The following SH3BGRL2 variants were observed in gnomAD, a reference collection of about 807,000 sequenced individuals.
SH3BGRL2 encodes the protein SH3 domain-binding glutamic acid-rich-like protein 2.
SH3BGRL2 carries 21 observed loss-of-function variants against 14.8 expected under a neutral mutation model. The observed-to-expected ratio is 1.42, with a 90% CI of 1.01 to 2.05. The LOEUF (loss-of-function observed/expected upper bound fraction) is 2.05. Ranked by LOEUF, SH3BGRL2 falls within the 30% of genes most tolerant of loss-of-function variation. The pLI, the probability that SH3BGRL2 is intolerant of heterozygous loss-of-function variation, is 0.00. For missense variants in SH3BGRL2, 147 were observed against 130.8 expected, an observed-to-expected ratio of 1.12 and a Z score of -0.61; for synonymous variants, 50 against 47.8, an observed-to-expected ratio of 1.05 and a Z score of -0.19.
chr6:79,572,633 T>G, the SH3BGRL2 span, among the ~76,000 whole-genome samples: 1 of 151,940 alleles, frequency 6.6e-6, no homozygotes, highest in Admixed American at 6.6e-5. Flanking sequence ...GCCCGGCTAA[T>G]TTTTTGTATT....
chr6:79,616,052 G>A, the SH3BGRL2 span, among the ~76,000 whole-genome samples: 32,075 of 151,820 alleles, frequency 0.21, 3,590 homozygotes, highest in African/African-American at 0.24. Flanking sequence ...CCGACCTCAG[G>A]TGATCCACCC....
At chr6:79,651,539 A>G (rs901068681) in intron 1 of SH3BGRL2, among the ~76,000 whole-genome samples, 1 of 152,162 alleles carries the variant, frequency 6.6e-6, no homozygotes, top group African/African-American at 2.4e-5. Flanking sequence ...ATGCAGACTA[A>G]AAGTAGTTTG....
At chr6:79,573,306 G>A in the SH3BGRL2 span, among the ~76,000 whole-genome samples, 1 of 152,066 alleles carries the variant, frequency 6.6e-6, no homozygotes, top group African/African-American at 2.4e-5. Flanking sequence ...GTTTCCATAC[G>A]GGCCTGGATC....
the SH3BGRL2 span, among the ~76,000 whole-genome samples, chr6:79,559,733 C>T: frequency 6.6e-6 from 1 of 152,112 alleles, no homozygotes; most frequent in Non-Finnish European, 1.5e-5. Context: ...AGAGAACACC[C>T]TTATTCTTAG....
intron 2 of SH3BGRL2, among the ~76,000 whole-genome samples, chr6:79,684,380 A>G (rs1188223790): frequency 6.6e-6 from 1 of 151,698 alleles, no homozygotes; most frequent in Admixed American, 6.6e-5. Context: ...TATTTATCTC[A>G]TAGGTTTTTT....
the SH3BGRL2 span, among the ~76,000 whole-genome samples, chr6:79,556,957 AT>A: frequency 1.3e-5 from 2 of 151,988 alleles, no homozygotes; most frequent in African/African-American, 4.8e-5. Flanking sequence ...TGATTTGTCT[AT>A]TCTGAACATA....
At chr6:79,626,478 G>T (rs1306951787), upstream of SH3BGRL2, among the ~76,000 whole-genome samples, 1 of 152,122 alleles carries the variant, frequency 6.6e-6, no homozygotes, top group African/African-American at 2.4e-5. Context: ...CAGTCTTCAA[G>T]ACACTGCAAT....
At chr6:79,568,893 A>T in the SH3BGRL2 span, among the ~76,000 whole-genome samples, 2 of 152,074 alleles carry the variant, frequency 1.3e-5, no homozygotes, top group Non-Finnish European at 1.5e-5. Context: ...TTAAAAATGA[A>T]TTTTTTTGTT....
intron 2 of SH3BGRL2, among the ~76,000 whole-genome samples, chr6:79,680,648 T>C (rs981093513): frequency 1.2e-4 from 19 of 152,182 alleles, no homozygotes; most frequent in African/African-American, 4.3e-4. Context: ...TCATGTTGAA[T>C]CTGTAGATTG....
In SH3BGRL2 at chr6:79,643,686, A is replaced by C. The variant is rs528507416; in HGVS notation, c.45+12180A>C. Among the ~76,000 whole-genome samples, 7 of 152,310 alleles carry C rather than the reference A, an allele frequency of 4.6e-5. No homozygotes were observed. The South Asian group carries it at 1.5e-3, about 32-fold the overall frequency. On this transcript the variant is annotated intron_variant, in intron 1 of 3. Transcript: ENST00000369838. ...CTATTCATAATTACCCTGCCCCCTC[A>C]CAGAAGAGTAAGAAACCCAAACTTT...
At chr6:79,660,299 T>G (rs1178911483) in intron 1 of SH3BGRL2, among the ~76,000 whole-genome samples, 1 of 152,200 alleles carries the variant, frequency 6.6e-6, no homozygotes, top group Non-Finnish European at 1.5e-5. Context: ...CTCTTATTAC[T>G]TTGAGATACA....
chr6:79,675,476 A>G (rs1162652364), intron 2 of SH3BGRL2, among the ~76,000 whole-genome samples: 3 of 152,216 alleles, frequency 2.0e-5, no homozygotes, highest in South Asian at 2.1e-4. Flanking sequence ...AGTGCTCAGT[A>G]TGCCTTTTAA....
intron 1 of SH3BGRL2, among the ~76,000 whole-genome samples, chr6:79,649,981 T>A (rs936453303): frequency 2.9e-4 from 27 of 91,888 alleles, no homozygotes; most frequent in African/African-American, 3.7e-4. Flanking sequence ...TCTCTCTCTC[T>A]CTCTCACACA....
At chr6:79,681,951 CAAAA>C in intron 2 of SH3BGRL2, among the ~76,000 whole-genome samples, 1 of 135,596 alleles carries the variant, frequency 7.4e-6, no homozygotes, top group South Asian at 2.3e-4. Context: ...GACTCCGTCT[CAAAA>C]AAAAAAAAAA....
At chr6:79,552,812 G>A in the SH3BGRL2 span, 1 of 152,224 alleles carries the variant, frequency 6.6e-6, no homozygotes, top group African/African-American at 2.4e-5. Flanking sequence ...GTTCTCAGAT[G>A]TCAAAATAGG....
Position 79,641,150 on chromosome 6 carries a change from TTGTGTGTGTGTGTGTG to T in SH3BGRL2, c.45+9675_45+9690del, listed in dbSNP as rs373404859. Among the ~76,000 whole-genome samples, 181 of 141,398 alleles carry T rather than the reference TTGTGTGTGTGTGTGTG, an allele frequency of 1.3e-3. 3 individuals are homozygous for T. Among genetic ancestry groups the T allele is most frequent in the African/African-American group, 4.1e-3 (154 of 37,416 alleles). The allele number at this position is 141,398 out of a possible 152,430, so 92.8% of individuals were successfully genotyped here. A position where few individuals can be genotyped will look rare whatever the true frequency, so the allele number is the denominator to read the frequency against. ...AAAGCTCAGTGGTTCTCTCACCCTT[TTGTGTGTGTGTGTGTG>T]TGTGTGTGTGTGTGTGTGTGTGTGT... On this transcript the variant is annotated intron_variant, in intron 1 of 3. Transcript: ENST00000369838.
intron 2 of SH3BGRL2, among the ~76,000 whole-genome samples, chr6:79,683,263 CAA>C (rs974530801): frequency 2.7e-4 from 41 of 152,158 alleles, no homozygotes; most frequent in African/African-American, 9.6e-4. Flanking sequence ...TAAGATTAAA[CAA>C]AGATTCAAAG....
the SH3BGRL2 span, among the ~76,000 whole-genome samples, chr6:79,577,336 C>G: frequency 6.6e-6 from 1 of 152,272 alleles, no homozygotes; most frequent in Admixed American, 6.5e-5. Flanking sequence ...TCCTCTTCCT[C>G]CACTTCCCTT....
At chr6:79,683,712 G>T (rs1158697434) in intron 2 of SH3BGRL2, among the ~76,000 whole-genome samples, 3 of 152,158 alleles carry the variant, frequency 2.0e-5, no homozygotes, top group Non-Finnish European at 4.4e-5. Context: ...CTCCCAAAGT[G>T]CTGGGATTAC....
Sources: allele counts gnomAD v4.1 joint callset (sites outside exome capture counted in the v4.1 genomes callset), GRCh38; gene constraint gnomAD v4.1.1; transcripts MANE v1.5; gene names NCBI Gene and HGNC (gene_info 2026-07-23, HGNC 2026-07-21).